Variants in PRKCB observed in about 807,000 individuals in gnomAD.
PRKCB encodes the protein protein kinase C beta type.
PRKCB carries 13 observed loss-of-function variants against 81.5 expected under a neutral mutation model. The ratio of observed to expected loss-of-function variants is 0.16; its 90% CI spans 0.10 to 0.25. The LOEUF is 0.25. Ranked by LOEUF, PRKCB falls within the 10% of genes least tolerant of loss-of-function variation. The probability of loss-of-function intolerance (pLI) is 1.00; values close to 1 mark genes in which losing one functional copy is unlikely to be tolerated. For missense variants in PRKCB, 509 were observed against 875.7 expected, an observed-to-expected ratio of 0.58 and a Z score of 5.29; for synonymous variants, 335 against 321.4, an observed-to-expected ratio of 1.04 and a Z score of -0.45.
intron 3 of PRKCB, among the ~76,000 whole-genome samples, chr16:24,021,504 G>C (rs1054433737): frequency 6.6e-6 from 1 of 151,580 alleles, no homozygotes; most frequent in African/African-American, 2.4e-5. Flanking sequence ...CTCTGGTTTG[G>C]GGGTGGCAGG....
intron 2 of PRKCB, among the ~76,000 whole-genome samples, chr16:23,866,626 C>A (rs1962794974): frequency 1.3e-5 from 2 of 152,120 alleles, no homozygotes; most frequent in South Asian, 4.1e-4. Flanking sequence ...GTGTCTATTA[C>A]AAACAGCATG....
At chr16:23,916,085 G>T (rs1295750604) in intron 2 of PRKCB, among the ~76,000 whole-genome samples, 1 of 151,904 alleles carries the variant, frequency 6.6e-6, no homozygotes, top group Admixed American at 6.6e-5. Context: ...ACAGGATCTT[G>T]CTCAGTTGCC....
At chr16:24,189,958 T>C (rs1258860176) in intron 15 of PRKCB, among the ~76,000 whole-genome samples, 12 of 152,198 alleles carry the variant, frequency 7.9e-5, no homozygotes, top group Admixed American at 7.9e-4. Flanking sequence ...CCAACTCTTC[T>C]GTCTTTACTC....
At chr16:24,052,620 G>A (rs1472763861) in intron 5 of PRKCB, among the ~76,000 whole-genome samples, 1 of 152,134 alleles carries the variant, frequency 6.6e-6, no homozygotes, top group East Asian at 1.9e-4. Flanking sequence ...GACCATGTAG[G>A]GTAACTTCCT....
intron 5 of PRKCB, among the ~76,000 whole-genome samples, chr16:24,070,809 G>C (rs1966098356): frequency 1.3e-5 from 2 of 152,166 alleles, no homozygotes; most frequent in Non-Finnish European, 2.9e-5. Context: ...GAAAAATTAG[G>C]AAGTCATAGT....
At chr16:24,119,079 A>C (rs1280650467) in intron 8 of PRKCB, among the ~76,000 whole-genome samples, 1 of 152,122 alleles carries the variant, frequency 6.6e-6, no homozygotes, top group Non-Finnish European at 1.5e-5. Context: ...TTAAATATTA[A>C]AATGACAACA....
intron 5 of PRKCB, among the ~76,000 whole-genome samples, chr16:24,060,174 A>G (rs1188497271): frequency 5.3e-5 from 8 of 152,196 alleles, no homozygotes; most frequent in Admixed American, 5.2e-4. Flanking sequence ...TAGGTGTTCA[A>G]GTCCCAGCTC....
chr16:23,919,053 C>A (rs1224208716), intron 2 of PRKCB, among the ~76,000 whole-genome samples: 6 of 152,098 alleles, frequency 3.9e-5, no homozygotes, highest in African/African-American at 7.2e-5. Context: ...CTTTATTAAA[C>A]CTTCTAAGGT....
intron 9 of PRKCB, among the ~76,000 whole-genome samples, chr16:24,124,594 A>C (rs1325368210): frequency 6.6e-6 from 1 of 152,180 alleles, no homozygotes; most frequent in Non-Finnish European, 1.5e-5. Flanking sequence ...GGACTCATAC[A>C]GTGTTTCTGG....
At chr16:24,122,941 G>A (rs752484786) in intron 8 of PRKCB, among the ~76,000 whole-genome samples, 1 of 152,150 alleles carries the variant, frequency 6.6e-6, no homozygotes, top group Non-Finnish European at 1.5e-5. Flanking sequence ...ATTGCACTGA[G>A]GACACACGTG....
At position 24,205,128 on chromosome 16, in the gene PRKCB, AATTATT is replaced by A. The variant is rs576468556; in HGVS notation, c.1864-9524_1864-9519del. Among the ~76,000 whole-genome samples the A allele has an allele frequency of 1.5e-3, 222 of 151,284 alleles. 1 individual carries two copies. Among genetic ancestry groups the A allele is most frequent in the African/African-American group, 5.2e-3 (214 of 41,350 alleles). On this transcript the variant is annotated intron_variant, in intron 16 of 16. Transcript: ENST00000643927. ...AAGTGAGACTTCATCTCAAAAAAAAAATTATTATTATAATTCCTTTTTTTTTTTTTT... is the reference window on the plus strand; with the variant it reads ...AAGTGAGACTTCATCTCAAAAAAAAAATTATAATTCCTTTTTTTTTTTTTT...
intron 2 of PRKCB, among the ~76,000 whole-genome samples, chr16:23,856,824 C>T (rs1166096598): frequency 6.6e-6 from 1 of 152,154 alleles, no homozygotes; most frequent in Non-Finnish European, 1.5e-5. Flanking sequence ...TACTCCTGGC[C>T]TCATACAATT....
intron 7 of PRKCB, among the ~76,000 whole-genome samples, chr16:24,104,929 G>A (rs978647813): frequency 6.6e-6 from 1 of 152,122 alleles, no homozygotes; most frequent in Non-Finnish European, 1.5e-5. Context: ...AGATTGAACT[G>A]ACCTTTGCAT....
chr16:24,053,041 T>C (rs1192162814), intron 5 of PRKCB, among the ~76,000 whole-genome samples: 1 of 152,224 alleles, frequency 6.6e-6, no homozygotes, highest in African/African-American at 2.4e-5. Flanking sequence ...TAAATTTTAA[T>C]CATGTGCTCT....
At chr16:24,052,328 C>T (rs573176403) in intron 5 of PRKCB, among the ~76,000 whole-genome samples, 1 of 152,304 alleles carries the variant, frequency 6.6e-6, no homozygotes, top group African/African-American at 2.4e-5. Context: ...GGTGTGTTCA[C>T]ACTCCGGTTA....
intron 5 of PRKCB, among the ~76,000 whole-genome samples, chr16:24,056,949 C>A (rs569450522): frequency 3.2e-4 from 49 of 152,312 alleles, no homozygotes; most frequent in African/African-American, 1.2e-3. Context: ...GTGGTGCATG[C>A]ACAGGGGCCA....
intron 2 of PRKCB, among the ~76,000 whole-genome samples, chr16:23,977,637 A>T (rs1233424914): frequency 2.6e-5 from 4 of 152,232 alleles, no homozygotes; most frequent in Non-Finnish European, 4.4e-5. Flanking sequence ...AAGGATACAC[A>T]GGAGACTGGA....
chr16:24,203,740 G>GC (rs1017432187), intron 16 of PRKCB, among the ~76,000 whole-genome samples: 7 of 151,980 alleles, frequency 4.6e-5, no homozygotes, highest in East Asian at 3.9e-4. Context: ...ACCACAAAAT[G>GC]CCCCCCCAAA....
intron 10 of PRKCB, among the ~76,000 whole-genome samples, chr16:24,164,847 T>A (rs1967318731): frequency 6.6e-6 from 1 of 151,918 alleles, no homozygotes; most frequent in Non-Finnish European, 1.5e-5. Context: ...AAACACTGAG[T>A]GTGGTGATAA....
Sources: gnomAD v4.1 joint callset for allele counts (sites outside exome capture counted in the v4.1 genomes callset) on GRCh38, gnomAD v4.1.1 for gene constraint, MANE v1.5 for transcripts, NCBI Gene and HGNC (gene_info 2026-07-23, HGNC 2026-07-21) for gene names.